Variants in KIF5C observed in about 807,000 individuals in gnomAD.
KIF5C encodes kinesin heavy chain isoform 5C.
A neutral mutation model predicts 125.2 loss-of-function variants in KIF5C; 18 were observed. The ratio of observed to expected loss-of-function variants is 0.14; its 90% CI spans 0.10 to 0.21. The LOEUF (loss-of-function observed/expected upper bound fraction) is 0.21. Ranked by LOEUF, KIF5C falls within the 10% of genes least tolerant of loss-of-function variation. The pLI is 1.00. For missense variants in KIF5C, 780 were observed against 1,183.8 expected (o/e 0.66, Z 5.01); for synonymous variants, 405 against 434.0 (o/e 0.93, Z 0.83).
At chr2:148,921,460 C>T (rs1681782977) in intron 1 of KIF5C, among the ~76,000 whole-genome samples, 1 of 152,216 alleles carries the variant, frequency 6.6e-6, no homozygotes, top group Non-Finnish European at 1.5e-5. Context: ...CATTGGCTAA[C>T]ATTTAAGCAC....
rs1402923332 is a variant in KIF5C, at chr2:148,973,412, C to T, written c.1194C>T (p.Ile398=). ...KNLEPCDNTP[I]IDNIAPVVAG... ...TGGAGCCTTGTGATAACACCCCCAT[C>T]ATAGACAATATTGCTCCTGTTGTTG... Residue 398 remains isoleucine (I), a synonymous_variant, in exon 12 of 26, where the codon ATC becomes ATT. Coordinates refer to ENST00000435030, the MANE Select transcript of KIF5C (RefSeq NM_004522.3). 6.2e-7 allele frequency: 1 copy of T among 1,613,778 alleles called. No homozygotes were observed. Among genetic ancestry groups the T allele is most frequent in the Non-Finnish European group, 8.5e-7 (1 of 1,179,732 alleles).
At position 149,010,022 on chromosome 2, in the gene KIF5C, G is replaced by T; in HGVS notation, c.2551-113G>T. On this transcript the variant is annotated intron_variant, in intron 23 of 25. Coordinates refer to ENST00000435030, the MANE Select transcript of KIF5C (RefSeq NM_004522.3). ...TTTCTGTGGTTGTACGGAGTGCCAAGGACAACCTAGCAGGGGCCACCTGTT... is the reference window on the plus strand; with the variant it reads ...TTTCTGTGGTTGTACGGAGTGCCAATGACAACCTAGCAGGGGCCACCTGTT... The T allele has an allele frequency of 4.9e-6, 7 of 1,439,128 alleles. 1 individual carries two copies. The South Asian group carries it at 9.0e-5, about 19-fold the overall frequency. The allele number at this position is 1,439,128 out of a possible 1,614,324, so 89.1% of individuals were successfully genotyped here. A position where few individuals can be genotyped will look rare whatever the true frequency, so the allele number is the denominator to read the frequency against.
Position 149,025,112 on chromosome 2 carries a change from G to A in KIF5C, c.*2042G>A, listed in dbSNP as rs1355657979. 6.6e-6 allele frequency: 1 copy of A among 152,440 alleles called. No individual in the cohort carries two copies. The highest frequency in any genetic ancestry group is 2.4e-5 in the African/African-American group (1 of 41,394). 9.4% of individuals were successfully genotyped at this position (152,440 alleles called of 1,614,324 possible). ...TTCTTTCCAGGGTGATTTTTCCCTG[G>A]GTACCCCGTTTCTACTTCTAAAGAA... On this transcript the variant is annotated 3_prime_UTR_variant, in exon 26 of 26. Transcript: ENST00000435030.
chr2:148,987,918 A>G (rs1473571947), intron 15 of KIF5C, among the ~76,000 whole-genome samples: 2 of 152,152 alleles, frequency 1.3e-5, no homozygotes, highest in East Asian at 1.9e-4. Flanking sequence ...GCAGTAGTTC[A>G]TCATCGTGCA....
At chr2:148,915,875 G>A (rs1681527519) in intron 1 of KIF5C, among the ~76,000 whole-genome samples, 1 of 152,210 alleles carries the variant, frequency 6.6e-6, no homozygotes, top group Non-Finnish European at 1.5e-5. Context: ...AGGTCTGGGT[G>A]CCAGTTTGGA....
chr2:149,008,285 T>C (rs1369468758), intron 23 of KIF5C, among the ~76,000 whole-genome samples: 2 of 152,238 alleles, frequency 1.3e-5, no homozygotes, highest in Non-Finnish European at 2.9e-5. Flanking sequence ...AAGCCAAATA[T>C]AACGCATAGG....
At chr2:148,880,979 C>T (rs529383954) in intron 1 of KIF5C, among the ~76,000 whole-genome samples, 9 of 142,534 alleles carry the variant, frequency 6.3e-5, no homozygotes, top group African/African-American at 2.4e-4. Context: ...TTTCAAGTTG[C>T]TGAGCTTTCC....
intron 10 of KIF5C, 123 bp from the exon 11 acceptor site, chr2:148,961,848 C>G: frequency 1.4e-6 from 2 of 1,397,050 alleles, no homozygotes. Context: ...TTGGTGAAAG[C>G]CACAGGATCC....
chr2:148,893,542 C>T (rs1466841061), intron 1 of KIF5C, among the ~76,000 whole-genome samples: 3 of 152,188 alleles, frequency 2.0e-5, no homozygotes, highest in Admixed American at 2.0e-4. Context: ...TCTTCGAGTG[C>T]CATTCCCATC....
intron 1 of KIF5C, chr2:148,878,721 T>C (rs1381623700): frequency 1.1e-4 from 16 of 152,246 alleles, no homozygotes; most frequent in Admixed American, 1.0e-3. Context: ...CCGGCTGACA[T>C]GGCTCAGTTG....
At chr2:148,962,601 A>G (rs971670775) in intron 11 of KIF5C, among the ~76,000 whole-genome samples, 7 of 152,154 alleles carry the variant, frequency 4.6e-5, no homozygotes, top group African/African-American at 1.7e-4. Flanking sequence ...ATGTTTTCTT[A>G]GTCCCTAACA....
chr2:148,996,258 T>A (rs1359861171), intron 17 of KIF5C, among the ~76,000 whole-genome samples: 1 of 152,274 alleles, frequency 6.6e-6, no homozygotes, highest in African/African-American at 2.4e-5. Flanking sequence ...TCAGTATTTA[T>A]ATCCTTTATT....
chr2:148,875,779 C>G, intron 1 of KIF5C, 36 bp downstream of exon 1: 1 of 1,580,870 alleles, frequency 6.3e-7, no homozygotes, highest in Non-Finnish European at 8.6e-7. Context: ...CCTGCTGCTC[C>G]GCGCCGCAGC....
chr2:148,960,445 TGAG>T (rs764863440), intron 10 of KIF5C, among the ~76,000 whole-genome samples: 3 of 152,192 alleles, frequency 2.0e-5, no homozygotes, highest in Non-Finnish European at 4.4e-5. Context: ...CAGTACTGCC[TGAG>T]GATGTCAGGA....
intron 25 of KIF5C, among the ~76,000 whole-genome samples, chr2:149,022,162 A>T (rs555618232): frequency 3.9e-5 from 6 of 152,296 alleles, no homozygotes; most frequent in Admixed American, 1.3e-4. Context: ...AGTCTGGGTT[A>T]GGGGCCTTGT....
At chr2:149,004,031 G>A (rs755523920) in intron 21 of KIF5C, among the ~76,000 whole-genome samples, 5 of 152,242 alleles carry the variant, frequency 3.3e-5, no homozygotes, top group Non-Finnish European at 7.3e-5. Context: ...GTAACAGAGT[G>A]AGTGCTGCAC....
chr2:148,981,518 C>T lies in KIF5C; in HGVS notation c.1526C>T (p.Thr509Ile), dbSNP rs146933458. ...AAATCACAGGAAGTGGAGGATAAGA[C>T]CCGGGCCAATGAGCAGCTGACAGAC... The part of the protein sequence containing the change: ...DQKSQEVEDK[T>I]RANEQLTDEL... Residue 509 changes from threonine (T) to isoleucine (I), a missense_variant, in exon 14 of 26, where the codon ACC becomes ATC. Around this residue, in one of 2 missense-constraint regions of KIF5C, gnomAD observed 573 missense variants for 742.6 expected, o/e 0.77. Transcript: ENST00000435030. 1.8e-3 allele frequency: 2,855 copies of T among 1,605,752 alleles called. 90 individuals carry two copies. The East Asian group carries it at 0.059, about 33-fold the overall frequency.
Position 148,950,335 on chromosome 2 carries a change from G to A in KIF5C, c.841G>A (p.Asp281Asn). ...EGTKTHVPYR[D>N]SKMTRILQDS... The stretch of plus-strand genomic sequence containing the variant: ...ATAGAAAACACATGTGCCATACCGG[G>A]ACAGCAAGATGACTCGGATTCTTCA... The change falls in exon 10 of 26, where the codon GAC becomes AAC. Residue 281 changes from aspartate (D) to asparagine (N), a missense_variant. Asp to Asn is a conservative substitution (Grantham distance 23). Transcript: ENST00000435030. The A allele has an allele frequency of 5.0e-6, 8 of 1,613,950 alleles. No individual in the cohort carries two copies. The highest frequency in any genetic ancestry group is 5.9e-6 in the Non-Finnish European group (7 of 1,179,868).
intron 11 of KIF5C, among the ~76,000 whole-genome samples, chr2:148,971,984 G>T (rs1412841331): frequency 6.6e-6 from 1 of 152,066 alleles, no homozygotes; most frequent in Admixed American, 6.5e-5. Context: ...ACCCAGGCTG[G>T]AGTGCAATGG....
Sources: gnomAD v4.1 joint callset for allele counts (sites outside exome capture counted in the v4.1 genomes callset) on GRCh38, gnomAD v4.1.1 for gene constraint, gnomAD v4.1.1 regional missense constraint, MANE v1.5 for transcripts, NCBI Gene and HGNC (gene_info 2026-07-23, HGNC 2026-07-21) for gene names.